VAC14: variants seen among roughly 807,000 people sequenced by gnomAD.
The protein encoded by VAC14 is protein VAC14 homolog.
Under a neutral mutation model 85.3 loss-of-function variants are expected in VAC14, and 47 were observed. The ratio of observed to expected loss-of-function variants is 0.55; its 90% CI spans 0.44 to 0.70. The LOEUF (loss-of-function observed/expected upper bound fraction) is 0.70. Among genes scored for constraint, VAC14 ranks in the 30% least tolerant of loss-of-function variants. The pLI is 0.00. For missense variants in VAC14, 861 were observed against 1,004.3 expected, an observed-to-expected ratio of 0.86 and a Z score of 1.93; for synonymous variants, 447 against 430.5, an observed-to-expected ratio of 1.04 and a Z score of -0.47.
chr16:70,742,162 T>C (rs1291985393), intron 13 of VAC14, among the ~76,000 whole-genome samples: 1 of 152,150 alleles, frequency 6.6e-6, no homozygotes, highest in Non-Finnish European at 1.5e-5. Flanking sequence ...TGCCTTCAAG[T>C]TCTCTGCTGC....
intron 1 of VAC14, among the ~76,000 whole-genome samples, chr16:70,795,914 CATG>C (rs1223855611): frequency 6.6e-6 from 1 of 152,178 alleles, no homozygotes; most frequent in Non-Finnish European, 1.5e-5. Flanking sequence ...GCCCTGCCTC[CATG>C]ATGCCTGGCA....
intron 14 of VAC14, among the ~76,000 whole-genome samples, chr16:70,721,318 CCTGGGG>C (rs1192102110): frequency 6.6e-6 from 1 of 151,522 alleles, no homozygotes; most frequent in Non-Finnish European, 1.5e-5. Flanking sequence ...GGATGAGAGC[CCTGGGG>C]ATGGGGATGG....
chr16:70,700,316 A>C (rs2053799295), intron 14 of VAC14: 1 of 152,152 alleles, frequency 6.6e-6, no homozygotes, highest in Non-Finnish European at 1.5e-5. Flanking sequence ...CGGCACAGGG[A>C]GGGGGTGGCG....
chr16:70,783,010 G>A (rs749953452), intron 7 of VAC14, 23 bp downstream of exon 7: 2 of 1,607,100 alleles, frequency 1.2e-6, no homozygotes, highest in Admixed American at 1.7e-5. Context: ...AGCCGTGGCT[G>A]TGGGCCCTCC....
intron 8 of VAC14, among the ~76,000 whole-genome samples, chr16:70,781,404 G>A (rs1479668632): frequency 6.6e-6 from 1 of 152,210 alleles, no homozygotes; most frequent in Non-Finnish European, 1.5e-5. Flanking sequence ...CCCAGCCAGG[G>A]GAGGCTTCTC....
At chr16:70,763,763 T>C (rs992494172) in intron 10 of VAC14, among the ~76,000 whole-genome samples, 1 of 152,214 alleles carries the variant, frequency 6.6e-6, no homozygotes, top group South Asian at 2.1e-4. Flanking sequence ...GCCCCCTGGC[T>C]TCTGTGGACT....
At chr16:70,797,548 T>A (rs1353100046) in intron 1 of VAC14, among the ~76,000 whole-genome samples, 4 of 152,192 alleles carry the variant, frequency 2.6e-5, no homozygotes, top group Admixed American at 6.5e-5. Context: ...GGCAATTACA[T>A]AACAATTCTC....
chr16:70,738,368 C>T (rs148955398), intron 13 of VAC14, among the ~76,000 whole-genome samples: 94 of 152,280 alleles, frequency 6.2e-4, no homozygotes, highest in African/African-American at 2.1e-3. Context: ...ACAGGAGCGC[C>T]GGAGGCATCA....
At chr16:70,786,792 A>C (rs1020321028) in intron 1 of VAC14, among the ~76,000 whole-genome samples, 1 of 152,156 alleles carries the variant, frequency 6.6e-6, no homozygotes, top group Admixed American at 6.5e-5. Context: ...CCCCAGTGTA[A>C]TGGGTAAGAG....
intron 10 of VAC14, among the ~76,000 whole-genome samples, chr16:70,764,057 G>T (rs367941585): frequency 6.6e-6 from 1 of 152,190 alleles, no homozygotes; most frequent in Non-Finnish European, 1.5e-5. Flanking sequence ...GTATAAAACC[G>T]TCTCTTCGTG....
intron 18 of VAC14, chr16:70,691,655 T>C (rs931039574): frequency 1.4e-5 from 14 of 985,352 alleles, no homozygotes; most frequent in Non-Finnish European, 1.6e-5. Context: ...TGCAGGGCAC[T>C]GCCTTCTGGG....
intron 12 of VAC14, among the ~76,000 whole-genome samples, chr16:70,748,539 C>A (rs943868466): frequency 6.6e-6 from 1 of 152,204 alleles, no homozygotes; most frequent in African/African-American, 2.4e-5. Flanking sequence ...AACCACGTGG[C>A]ACATTCCAGG....
chr16:70,692,467 C>T (rs1301185499), intron 18 of VAC14, among the ~76,000 whole-genome samples: 4 of 152,190 alleles, frequency 2.6e-5, no homozygotes, highest in African/African-American at 4.8e-5. Flanking sequence ...GCAGGAACTC[C>T]TCCCCCTGCC....
chr16:70,751,169 G>A (rs952952540), intron 12 of VAC14, among the ~76,000 whole-genome samples: 1 of 152,196 alleles, frequency 6.6e-6, no homozygotes, highest in African/African-American at 2.4e-5. Context: ...GCCATTGGTC[G>A]GCTGATGAGC....
At chr16:70,790,943 A>C (rs1308237657) in intron 1 of VAC14, among the ~76,000 whole-genome samples, 5 of 152,208 alleles carry the variant, frequency 3.3e-5, no homozygotes, top group Non-Finnish European at 7.4e-5. Flanking sequence ...CCTTACCAAT[A>C]TGTCAGTCTG....
chr16:70,695,905 G>A (rs574942611), intron 16 of VAC14: 11 of 310,422 alleles, frequency 3.5e-5, no homozygotes, highest in African/African-American at 8.3e-5. Flanking sequence ...CAGCCCGTTG[G>A]GGGAGGGCTG....
chr16:70,740,136 T>C (rs2030126053), intron 13 of VAC14, among the ~76,000 whole-genome samples: 1 of 152,070 alleles, frequency 6.6e-6, no homozygotes, highest in South Asian at 2.1e-4. Flanking sequence ...AAATTTTGTA[T>C]TTTCAGTAGA....
Position 70,786,250 on chromosome 16 carries a change from T to A in VAC14, c.220A>T (p.Ile74Phe). ...QHPHSRKGGL[I>F]GLAACSIALG... is the part of the protein sequence containing the mutation. ...GCGATGGAGCAGGCGGCCAGGCCGA[T>A]GAGGCCCCCTTTCCGGCTGTGGGGG... Residue 74 changes from isoleucine (I) to phenylalanine (F), a missense_variant, in exon 2 of 19, where the codon ATC (isoleucine) becomes TTC (phenylalanine). Coordinates refer to ENST00000261776, the MANE Select transcript of VAC14 (RefSeq NM_018052.5). 2 of 1,614,234 alleles carry A rather than the reference T, an allele frequency of 1.2e-6. No individual in the cohort carries two copies. The highest frequency in any genetic ancestry group is 1.7e-6 in the Non-Finnish European group (2 of 1,180,036).
chr16:70,687,943 C>T lies in VAC14; in HGVS notation c.2334G>A (p.Arg778=). The T allele has an allele frequency of 6.4e-7, 1 of 1,563,622 alleles. No homozygotes were observed. Among genetic ancestry groups the T allele is most frequent in the African/African-American group, 1.4e-5 (1 of 73,150 alleles). Residue 778 remains arginine (R), a synonymous_variant, in exon 19 of 19, where the codon CGG becomes CGA. Transcript: ENST00000261776. ...GCCAGGCCTGTCAGAGGACAACCCT[C>T]CGGTCCAGGTGGTCCCCACGCCCGC... ...QRSGRGDHLD[R]RVVL is the part of the protein sequence containing the mutation.
Sources: allele counts gnomAD v4.1 joint callset (sites outside exome capture counted in the v4.1 genomes callset), GRCh38; gene constraint gnomAD v4.1.1; transcripts MANE v1.5; gene names NCBI Gene and HGNC (gene_info 2026-07-23, HGNC 2026-07-21).